Variants in PRPSAP1 observed in about 807,000 individuals in gnomAD.
PRPSAP1 encodes the protein phosphoribosyl pyrophosphate synthase-associated protein 1.
A neutral mutation model predicts 39.4 loss-of-function variants in PRPSAP1; 31 were observed. The ratio of observed to expected loss-of-function variants is 0.79; its 90% CI spans 0.59 to 1.06. The LOEUF (loss-of-function observed/expected upper bound fraction) is 1.06. PRPSAP1 is among the 50% of genes least tolerant of loss of function. The probability of loss-of-function intolerance (pLI) is 0.00; values close to 1 mark genes in which losing one functional copy is unlikely to be tolerated. For missense variants in PRPSAP1, 430 were observed against 511.6 expected, an observed-to-expected ratio of 0.84 and a Z score of 1.54; for synonymous variants, 212 against 192.6, an observed-to-expected ratio of 1.10 and a Z score of -0.83.
intron 1 of PRPSAP1, among the ~76,000 whole-genome samples, chr17:76,351,540 A>G (rs1330932936): frequency 1.3e-5 from 2 of 152,046 alleles, no homozygotes; most frequent in Non-Finnish European, 2.9e-5. Flanking sequence ...ACAAAAAACT[A>G]GCCAGGTGTG....
intron 3 of PRPSAP1, among the ~76,000 whole-genome samples, chr17:76,342,526 G>A (rs1184896446): frequency 6.6e-6 from 1 of 151,762 alleles, no homozygotes; most frequent in Admixed American, 6.6e-5. Context: ...GACCAGCCTG[G>A]GCAACATGGC....
rs1423300081 is a variant in PRPSAP1 at position 76,311,626 on chromosome 17, A to G, written c.1074T>C (p.Ser358=). ...QCPKIKTVDI[S]LILSEAIRRI... The stretch of plus-strand genomic sequence containing the variant: ...TCCGAATGGCTTCAGAAAGAATCAA[A>G]CTGATATCCACAGTCTTTATCTTGG... The change falls in exon 10 of 10, where the codon AGT becomes AGC. Residue 358 remains serine, a synonymous_variant. Transcript: ENST00000446526. 6.2e-6 allele frequency: 10 copies of G among 1,614,204 alleles called. No homozygotes were observed. Among genetic ancestry groups the G allele is most frequent in the Middle Eastern group, 1.7e-4 (1 of 6,060 alleles).
At position 76,330,765 on chromosome 17, in the gene PRPSAP1, A is replaced by T. The variant is rs938375603; in HGVS notation, c.464-99T>A. The T allele has an allele frequency of 1.3e-5, 9 of 676,284 alleles. No homozygotes were observed. The East Asian group carries it at 1.7e-4, about 13-fold the overall frequency. The allele number at this position is 676,284 out of a possible 1,614,324, so 41.9% of individuals were successfully genotyped here. On this transcript the variant is annotated intron_variant, in intron 4 of 9. Coordinates refer to ENST00000446526, the MANE Select transcript of PRPSAP1 (RefSeq NM_002766.3). The stretch of plus-strand genomic sequence containing the variant: ...CTCAACTCCTGCTTCCTACCAGCAG[A>T]CTGAAGACGGGGTACTGTGATTAAG...
intron 7 of PRPSAP1, among the ~76,000 whole-genome samples, chr17:76,316,258 T>G (rs969393014): frequency 6.6e-6 from 1 of 151,770 alleles, no homozygotes; most frequent in African/African-American, 2.4e-5. Flanking sequence ...TCAGCTCTAG[T>G]TTGATGCGGA....
intron 3 of PRPSAP1, among the ~76,000 whole-genome samples, chr17:76,336,073 C>A (rs933582973): frequency 6.6e-6 from 1 of 152,154 alleles, no homozygotes; most frequent in African/African-American, 2.4e-5. Context: ...ACAAGGGAGG[C>A]CCAGATAATA....
chr17:76,329,064 G>T, intron 6 of PRPSAP1: 1 of 539,332 alleles, frequency 1.9e-6, no homozygotes, highest in Non-Finnish European at 3.0e-6. Flanking sequence ...GATTGTATCT[G>T]ATTCTAGACA....
intron 7 of PRPSAP1, among the ~76,000 whole-genome samples, chr17:76,314,945 G>T (rs1441197719): frequency 2.0e-5 from 3 of 152,220 alleles, no homozygotes; most frequent in Non-Finnish European, 4.4e-5. Flanking sequence ...ACAGCGAAAG[G>T]CTGCCAGATC....
Position 76,348,535 on chromosome 17 carries a change from T to C in PRPSAP1, c.217A>G (p.Asn73Asp). 3 of 1,472,998 alleles carry C rather than the reference T, an allele frequency of 2.0e-6. No individual in the cohort carries two copies. Among genetic ancestry groups the C allele is most frequent in the Non-Finnish European group, 2.7e-6 (3 of 1,117,378 alleles). The allele number at this position is 1,472,998 out of a possible 1,614,324, so 91.2% of individuals were successfully genotyped here. A position where few individuals can be genotyped will look rare whatever the true frequency, so the allele number is the denominator to read the frequency against. The change falls in exon 2 of 10, where the codon AAT becomes GAT. Residue 73 changes from asparagine (N) to aspartate (D), a missense_variant. Physicochemically the swap from Asn to Asp is conservative, Grantham distance 23. Transcript: ENST00000446526. ...AGAAATAATTTTAACTTACCTCCATTGGTCTCTTGATATACAACAGACTTC... is the reference window on the plus strand; with the variant it reads ...AGAAATAATTTTAACTTACCTCCATCGGTCTCTTGATATACAACAGACTTC... ...LGKSVVYQET[N>D]GETRVEIKES...
intron 7 of PRPSAP1, among the ~76,000 whole-genome samples, chr17:76,315,299 T>G (rs2071110877): frequency 6.6e-6 from 1 of 152,220 alleles, no homozygotes; most frequent in South Asian, 2.1e-4. Context: ...TCTTTAAACT[T>G]TGTTATTATT....
intron 8 of PRPSAP1, 60 bp downstream of exon 8, chr17:76,313,761 C>T: frequency 3.2e-6 from 5 of 1,561,926 alleles, no homozygotes; most frequent in Non-Finnish European, 4.4e-6. Context: ...CCAGAGTGGA[C>T]AACCTACTGA....
chr17:76,342,828 A>G (rs2071453969), intron 3 of PRPSAP1, among the ~76,000 whole-genome samples: 1 of 152,018 alleles, frequency 6.6e-6, no homozygotes, highest in Non-Finnish European at 1.5e-5. Context: ...AATCCCAGCC[A>G]GCACTTTAGG....
intron 6 of PRPSAP1, chr17:76,329,074 A>ATTTTT: frequency 2.8e-6 from 1 of 360,164 alleles, no homozygotes; most frequent in Non-Finnish European, 4.8e-6. Flanking sequence ...GATTCTAGAC[A>ATTTTT]TTTTTTTTTT....
upstream of PRPSAP1, chr17:76,354,065 C>A: frequency 9.3e-7 from 1 of 1,069,910 alleles, no homozygotes; most frequent in Non-Finnish European, 1.1e-6. Flanking sequence ...CCTGCTTTGA[C>A]CGCTTCCACG....
At chr17:76,326,500 C>T (rs1368820784) in intron 7 of PRPSAP1, among the ~76,000 whole-genome samples, 2 of 152,162 alleles carry the variant, frequency 1.3e-5, no homozygotes, top group Admixed American at 6.5e-5. Context: ...TCATGTGTTT[C>T]CTGTGATTTT....
intron 1 of PRPSAP1, among the ~76,000 whole-genome samples, chr17:76,351,202 T>C (rs2071565584): frequency 6.6e-6 from 1 of 151,746 alleles, no homozygotes. Context: ...GTGAAACCCA[T>C]CTCTACTAAA....
At chr17:76,323,977 C>T (rs1054378432) in intron 7 of PRPSAP1, among the ~76,000 whole-genome samples, 2 of 151,296 alleles carry the variant, frequency 1.3e-5, no homozygotes, top group African/African-American at 4.9e-5. Context: ...AAAACCCTGT[C>T]TCTACTAATA....
At chr17:76,334,952 A>G (rs780944459) in intron 3 of PRPSAP1, among the ~76,000 whole-genome samples, 18 of 152,192 alleles carry the variant, frequency 1.2e-4, no homozygotes, top group Non-Finnish European at 2.2e-4. Flanking sequence ...TGAGGCAAGC[A>G]CTGTGGTAGG....
At position 76,353,741 on chromosome 17, in the gene PRPSAP1, G is replaced by A; in HGVS notation, c.-38C>T. 4.2e-6 allele frequency: 6 copies of A among 1,419,438 alleles called. No individual in the cohort carries two copies. Among genetic ancestry groups the A allele is most frequent in the Non-Finnish European group, 3.6e-6 (4 of 1,096,374 alleles). The allele number at this position is 1,419,438 out of a possible 1,614,324, so 87.9% of individuals were successfully genotyped here. On this transcript the variant is annotated 5_prime_UTR_variant, in exon 1 of 10. Transcript: ENST00000446526. ...GGCGCGGTTACGACCGGCCCCGCGCGGGGCTGCACTCTGAGTGCTTCCGAC... is the reference window on the plus strand; with the variant it reads ...GGCGCGGTTACGACCGGCCCCGCGCAGGGCTGCACTCTGAGTGCTTCCGAC...
At chr17:76,315,580 C>T (rs73996324) in intron 7 of PRPSAP1, among the ~76,000 whole-genome samples, 19,395 of 151,560 alleles carry the variant, frequency 0.13, 2,923 homozygotes, top group African/African-American at 0.37. Flanking sequence ...GAAGGCTTTG[C>T]ATATAAAATC....
Sources: allele counts gnomAD v4.1 joint callset (sites outside exome capture counted in the v4.1 genomes callset), GRCh38; gene constraint gnomAD v4.1.1; transcripts MANE v1.5; gene names NCBI Gene and HGNC (gene_info 2026-07-23, HGNC 2026-07-21).